SHANK2: variants seen among roughly 807,000 people sequenced by gnomAD.
SHANK2 encodes SH3 and multiple ankyrin repeat domains 2.
Under a neutral mutation model 133.7 loss-of-function variants are expected in SHANK2, and 43 were observed. That is an observed-to-expected ratio of 0.32 (90% CI 0.25 to 0.41). The LOEUF is 0.41. Among genes scored for constraint, SHANK2 ranks in the 10% least tolerant of loss-of-function variants. The probability of loss-of-function intolerance (pLI) is 1.00; values close to 1 mark genes in which losing one functional copy is unlikely to be tolerated. For synonymous variants in SHANK2, 1,017 were observed against 952.8 expected (o/e 1.07, Z -1.24); for missense variants, 1,994 against 2,235.8 (o/e 0.89, Z 2.18).
chr11:70,534,226 A>C (rs1033979864), intron 17 of SHANK2, among the ~76,000 whole-genome samples: 3 of 152,342 alleles, frequency 2.0e-5, no homozygotes, highest in Middle Eastern at 6.8e-3. Context: ...CAATCATGGC[A>C]GAAGGGGAAG....
chr11:71,236,774 C>T (rs1233151753), intron 1 of SHANK2, among the ~76,000 whole-genome samples: 1 of 152,214 alleles, frequency 6.6e-6, no homozygotes, highest in Non-Finnish European at 1.5e-5. Context: ...ATAAGCACAA[C>T]ATTTTTACTC....
At chr11:71,216,488 G>C (rs1954416991) in intron 2 of SHANK2, among the ~76,000 whole-genome samples, 1 of 152,128 alleles carries the variant, frequency 6.6e-6, no homozygotes, top group Non-Finnish European at 1.5e-5. Flanking sequence ...TTCAGGAGGA[G>C]GGAGTGACTT....
intron 2 of SHANK2, among the ~76,000 whole-genome samples, chr11:71,190,272 G>A (rs1565504425): frequency 6.6e-6 from 1 of 152,238 alleles, no homozygotes; most frequent in Non-Finnish European, 1.5e-5. Context: ...TTCTGCAGCT[G>A]CAAAGGTGGG....
Position 70,681,342 on chromosome 11 carries a change from C to T in SHANK2, c.1853+17346G>A, listed in dbSNP as rs138805362. ...TGGAGGAGAATTCAGAAGTCCAAGC[C>T]CATCATTTGATGCTGCCAAATTTCC... On this transcript the variant is annotated intron_variant, in intron 15 of 25. Transcript: ENST00000601538. 1.2e-4 allele frequency among the ~76,000 whole-genome samples: 18 copies of T among 152,286 alleles called. No homozygotes were observed. In the East Asian group the frequency reaches 3.3e-3, roughly 28 times the overall value.
intron 17 of SHANK2, among the ~76,000 whole-genome samples, chr11:70,605,339 G>A (rs1254428938): frequency 6.6e-6 from 1 of 152,208 alleles, no homozygotes; most frequent in Non-Finnish European, 1.5e-5. Context: ...GGCTGGCCAC[G>A]CCCAGAAGGC....
intron 23 of SHANK2, 115 bp downstream of exon 23, chr11:70,490,160 TG>T: frequency 1.2e-6 from 1 of 852,252 alleles, no homozygotes; most frequent in Non-Finnish European, 1.9e-6. Context: ...AGGGCCTTGC[TG>T]GGGTGGGACG....
intron 25 of SHANK2, among the ~76,000 whole-genome samples, chr11:70,475,924 C>T (rs576068187): frequency 5.9e-5 from 9 of 152,246 alleles, no homozygotes; most frequent in African/African-American, 4.8e-5. Flanking sequence ...CAGTTACTCA[C>T]AATCAAGAAA....
At chr11:70,607,481 C>A (rs782347693) in intron 17 of SHANK2, among the ~76,000 whole-genome samples, 36 of 152,218 alleles carry the variant, frequency 2.4e-4, no homozygotes, top group Non-Finnish European at 4.0e-4. Context: ...CCACTCCCTG[C>A]CCTCAGGTGC....
chr11:70,506,004 G>A (rs1262899656), intron 17 of SHANK2, among the ~76,000 whole-genome samples: 1 of 152,206 alleles, frequency 6.6e-6, no homozygotes, highest in East Asian at 1.9e-4. Flanking sequence ...TGCCTTGGAA[G>A]GGTCAAGGGG....
At chr11:71,112,486 T>C (rs575013736) in intron 5 of SHANK2, among the ~76,000 whole-genome samples, 13 of 152,244 alleles carry the variant, frequency 8.5e-5, no homozygotes, top group Non-Finnish European at 1.5e-4. Flanking sequence ...GAGAAAGCCA[T>C]TGGTGAGCTC....
chr11:70,776,794 C>A (rs1555043979), intron 14 of SHANK2, among the ~76,000 whole-genome samples: 1 of 151,532 alleles, frequency 6.6e-6, no homozygotes, highest in Non-Finnish European at 1.5e-5. Flanking sequence ...ATTCACCCAT[C>A]CATCTATCCT....
At chr11:70,700,356 G>T (rs1945492526) in intron 14 of SHANK2, among the ~76,000 whole-genome samples, 1 of 152,098 alleles carries the variant, frequency 6.6e-6, no homozygotes, top group Admixed American at 6.5e-5. Flanking sequence ...ACTCCACTTC[G>T]CAGGCCCCTC....
intron 14 of SHANK2, among the ~76,000 whole-genome samples, chr11:70,732,325 T>C (rs77371044): frequency 0.025 from 3,809 of 152,260 alleles, 190 homozygotes; most frequent in African/African-American, 0.088. Flanking sequence ...TTGCTGCCCA[T>C]TCACAATCTC....
intron 15 of SHANK2, chr11:70,698,260 C>T (rs1555022766): frequency 4.6e-6 from 1 of 216,206 alleles, no homozygotes; most frequent in Non-Finnish European, 9.4e-6. Flanking sequence ...AGCCATTCCA[C>T]CTAAGCAGAA....
chr11:71,111,692 C>T lies in SHANK2; in HGVS notation c.483+1601G>A, dbSNP rs1951894329. On this transcript the variant is annotated intron_variant, in intron 5 of 25. Coordinates refer to ENST00000601538, the MANE Select transcript of SHANK2 (RefSeq NM_012309.5). ...CTGGCACGTGCTAGATTTCCACCTG[C>T]CCATTTTCTGTATGTTTCGGAACTA... 4.6e-5 allele frequency among the ~76,000 whole-genome samples: 7 copies of T among 152,232 alleles called. No individual in the cohort carries two copies. In the South Asian group the frequency reaches 1.4e-3, roughly 32 times the overall value.
intron 17 of SHANK2, chr11:70,633,703 C>T (rs2061032162): frequency 6.6e-6 from 1 of 152,218 alleles, no homozygotes; most frequent in Non-Finnish European, 1.5e-5. Flanking sequence ...AGAGAGGCCC[C>T]TGGGTGACCA....
chr11:71,058,909 A>G (rs1198356363), intron 9 of SHANK2, among the ~76,000 whole-genome samples: 2 of 152,364 alleles, frequency 1.3e-5, no homozygotes, highest in Non-Finnish European at 2.9e-5. Flanking sequence ...CTGGCAGATC[A>G]GCAGATTTGA....
intron 17 of SHANK2, among the ~76,000 whole-genome samples, chr11:70,615,029 T>C (rs541239394): frequency 6.6e-6 from 1 of 152,288 alleles, no homozygotes; most frequent in East Asian, 1.9e-4. Flanking sequence ...TTAGATTGGA[T>C]TCCCCCCATG....
chr11:71,115,500 A>G (rs987240397), intron 4 of SHANK2, among the ~76,000 whole-genome samples: 3 of 152,174 alleles, frequency 2.0e-5, no homozygotes, highest in Non-Finnish European at 4.4e-5. Flanking sequence ...ACAAAGTATC[A>G]GCAACAATTT....
Sources: allele counts gnomAD v4.1 joint callset (sites outside exome capture counted in the v4.1 genomes callset), GRCh38; gene constraint gnomAD v4.1.1; transcripts MANE v1.5; gene names NCBI Gene and HGNC (gene_info 2026-07-23, HGNC 2026-07-21).